The following ZFR2 variants were observed in gnomAD, a reference collection of about 807,000 sequenced individuals.
ZFR2 encodes the protein zinc finger RNA-binding protein 2.
A neutral mutation model predicts 105.7 loss-of-function variants in ZFR2; 104 were observed. The ratio of observed to expected loss-of-function variants is 0.98; its 90% CI spans 0.84 to 1.16. The LOEUF (loss-of-function observed/expected upper bound fraction) is 1.16, where lower values mean the gene tolerates loss of function less well. Ranked by LOEUF, ZFR2 falls within the 50% of genes most tolerant of loss-of-function variation. The pLI is 0.00. For synonymous variants in ZFR2, 634 were observed against 597.7 expected (o/e 1.06, Z -0.89); for missense variants, 1,425 against 1,355.5 (o/e 1.05, Z -0.80).
chr19:3,854,739 A>G (rs949993125), intron 1 of ZFR2, among the ~76,000 whole-genome samples: 1 of 152,188 alleles, frequency 6.6e-6, no homozygotes, highest in African/African-American at 2.4e-5. Context: ...GCAGAAAACA[A>G]GAGTTCTTCT....
chr19:3,836,399 A>G (rs1599240553), intron 1 of ZFR2, among the ~76,000 whole-genome samples: 1 of 152,134 alleles, frequency 6.6e-6, no homozygotes, highest in Non-Finnish European at 1.5e-5. Flanking sequence ...ATCACAGCCC[A>G]CTGCAGCCTC....
Position 3,831,696 on chromosome 19 carries a change from G to C in ZFR2, c.562C>G (p.Pro188Ala). Residue 188 changes from proline to alanine, a missense_variant, in exon 4 of 19, where the codon CCG becomes GCG. Pro to Ala is a conservative substitution (Grantham distance 27). Transcript: ENST00000262961. ...SSASIVTSYP[P>A]PSYNPTCTAY... is the part of the protein sequence containing the mutation. ...GTGCAGGTGGGGTTGTAGGAGGGCG[G>C]GGGGTAGGAGGTCACGATGGAAGCT... 6.3e-7 allele frequency: 1 copy of C among 1,578,512 alleles called. No homozygotes were observed. The highest frequency in any genetic ancestry group is 1.2e-5 in the South Asian group (1 of 85,622).
intron 1 of ZFR2, among the ~76,000 whole-genome samples, chr19:3,835,285 G>A (rs1475777296): frequency 1.3e-5 from 2 of 152,114 alleles, no homozygotes; most frequent in Non-Finnish European, 2.9e-5. Flanking sequence ...CTACTTGTGT[G>A]GCAGGGCTTT....
intron 5 of ZFR2, 99 bp downstream of exon 5, chr19:3,831,204 G>A: frequency 7.1e-7 from 1 of 1,416,828 alleles, no homozygotes; most frequent in South Asian, 1.5e-5. Context: ...TCTTTCAGCA[G>A]GCAGCGACCC....
At chr19:3,835,077 C>G in intron 1 of ZFR2, 94 bp from the exon 2 acceptor site, 1 of 1,402,544 alleles carries the variant, frequency 7.1e-7, no homozygotes, top group Non-Finnish European at 9.8e-7. Flanking sequence ...ACCACTGGAC[C>G]TGAGCTGCCC....
Position 3,816,694 on chromosome 19 carries a change from G to T in ZFR2, c.2083C>A (p.Gln695Lys). The T allele has an allele frequency of 6.2e-7, 1 of 1,609,706 alleles. No individual in the cohort carries two copies. The highest frequency in any genetic ancestry group is 8.5e-7 in the Non-Finnish European group (1 of 1,177,792). The change falls in exon 13 of 19, where the codon CAG becomes AAG. Residue 695 changes from glutamine to lysine, a missense_variant. Physicochemically the swap from Gln to Lys is moderately conservative, Grantham distance 53 (BLOSUM62 1). Coordinates refer to ENST00000262961, the MANE Select transcript of ZFR2 (RefSeq NM_015174.2). ...THSLLRRIAQ[Q>K]LPRQLQMVTE... ...CTTACCTGGAGCTGCCGGGGCAGCTGCTGGGCGATCCTCCGCAGCAGGCTG... is the reference window on the plus strand; with the variant it reads ...CTTACCTGGAGCTGCCGGGGCAGCTTCTGGGCGATCCTCCGCAGCAGGCTG...
chr19:3,868,752 C>T (rs1057475315), intron 1 of ZFR2, among the ~76,000 whole-genome samples: 5 of 152,092 alleles, frequency 3.3e-5, no homozygotes, highest in Admixed American at 3.3e-4. Context: ...GACGTCTCAG[C>T]CGGAGCCCCG....
chr19:3,823,474 G>C lies in ZFR2; in HGVS notation c.1214-71C>G. 1 of 1,482,626 alleles carries C rather than the reference G, an allele frequency of 6.7e-7. No homozygotes were observed. 91.8% of individuals were successfully genotyped at this position (1,482,626 alleles called of 1,614,324 possible). On this transcript the variant is annotated intron_variant, in intron 7 of 18. Coordinates refer to ENST00000262961, the MANE Select transcript of ZFR2 (RefSeq NM_015174.2). This position sits in a 1 kb window ranked among gnomAD's most constrained non-coding sequence, Gnocchi z 5.4. ...CACTGCAGCTGCAGACCCGCCAGGC[G>C]GCATGGGGTGGAGAGCCACCCAGAC... is the stretch of plus-strand genomic sequence containing the variant.
intron 1 of ZFR2, chr19:3,852,663 G>A (rs979725168): frequency 1.5e-6 from 1 of 684,818 alleles, no homozygotes; most frequent in Non-Finnish European, 2.7e-6. Context: ...TATAAGGGTG[G>A]ATGAAGGATG....
chr19:3,831,238 T>C, intron 5 of ZFR2, 65 bp downstream of exon 5: 1 of 1,434,048 alleles, frequency 7.0e-7, no homozygotes, highest in South Asian at 1.5e-5. Context: ...GGCGCCCACA[T>C]TCGGGTTCAG....
In ZFR2 at chr19:3,834,269, G is replaced by A. The variant is rs1260016310; in HGVS notation, c.265-491C>T. Among the ~76,000 whole-genome samples, 2 of 152,186 alleles carry A rather than the reference G, an allele frequency of 1.3e-5. No homozygotes were observed. The highest frequency in any genetic ancestry group is 3.9e-4 in the East Asian group (2 of 5,178). On this transcript the variant is annotated intron_variant, in intron 2 of 18. Transcript: ENST00000262961. The surrounding 1 kb of genome is among the most constrained non-coding windows in gnomAD (Gnocchi z 5.3). Reference sequence around the variant, plus strand: ...TCTTTGCGACACCAAGTGGGAACACGGTGGCTGGATCTGCAGCCTGAGTGC... The same window carrying A: ...TCTTTGCGACACCAAGTGGGAACACAGTGGCTGGATCTGCAGCCTGAGTGC...
At chr19:3,863,381 C>A (rs189945703) in intron 1 of ZFR2, among the ~76,000 whole-genome samples, 1 of 152,134 alleles carries the variant, frequency 6.6e-6, no homozygotes, top group Admixed American at 6.5e-5. Flanking sequence ...CCCAGTGACA[C>A]GGGGCCATGT....
intron 11 of ZFR2, among the ~76,000 whole-genome samples, chr19:3,819,747 G>A (rs1413110660): frequency 6.6e-6 from 1 of 152,084 alleles, no homozygotes; most frequent in African/African-American, 2.4e-5. Context: ...GGCTACTCAG[G>A]AGGCTGAGGC....
chr19:3,810,358 C>G (rs891055554), intron 16 of ZFR2, among the ~76,000 whole-genome samples: 1 of 152,202 alleles, frequency 6.6e-6, no homozygotes, highest in Non-Finnish European at 1.5e-5. Flanking sequence ...GGTGTTTGAG[C>G]CACAGGGGGT....
chr19:3,847,247 A>AG (rs2038193274), intron 1 of ZFR2, among the ~76,000 whole-genome samples: 1 of 152,090 alleles, frequency 6.6e-6, no homozygotes, highest in African/African-American at 2.4e-5. Flanking sequence ...AGCCGGGGGC[A>AG]GGGGGGTGGC....
chr19:3,820,214 T>G lies in ZFR2; in HGVS notation c.1708A>C (p.Arg570=). 2.6e-6 allele frequency: 4 copies of G among 1,552,392 alleles called. No individual in the cohort carries two copies. Among genetic ancestry groups the G allele is most frequent in the Non-Finnish European group, 3.5e-6 (4 of 1,147,892 alleles). Residue 570 remains arginine (R), a synonymous_variant, in exon 11 of 19, where the codon AGG becomes CGG. Coordinates refer to ENST00000262961, the MANE Select transcript of ZFR2 (RefSeq NM_015174.2). ...PDWAQPLLMG[R]PESPASAPLQ... is the part of the protein sequence containing the mutation. The stretch of plus-strand genomic sequence containing the variant: ...GGGGCGCTGGCGGGTGACTCCGGCC[T>G]GCCCATGAGCAGAGGCTGGGCCCAG...
Position 3,831,437 on chromosome 19 carries a change from C to T in ZFR2, c.718G>A (p.Ala240Thr). ...PQQLPPPPAPAGSGSSPRADS... is the reference protein window; with the variant it reads ...PQQLPPPPAPTGSGSSPRADS... ...GCCCTGGGGCTGCTTCCTGAGCCTGCAGGCGCGGGCGGCGGGGGCAGCTGC... is the reference window on the plus strand; with the variant it reads ...GCCCTGGGGCTGCTTCCTGAGCCTGTAGGCGCGGGCGGCGGGGGCAGCTGC... Residue 240 changes from alanine (A) to threonine (T), a missense_variant, in exon 5 of 19, where the codon GCA (alanine) becomes ACA (threonine). Ala to Thr is a moderately conservative substitution (Grantham distance 58). Coordinates refer to ENST00000262961, the MANE Select transcript of ZFR2 (RefSeq NM_015174.2). 1 of 1,551,726 alleles carries T rather than the reference C, an allele frequency of 6.4e-7. No individual in the cohort carries two copies. Among genetic ancestry groups the T allele is most frequent in the Non-Finnish European group, 8.7e-7 (1 of 1,148,980 alleles).
intron 1 of ZFR2, among the ~76,000 whole-genome samples, chr19:3,857,553 G>C (rs953020969): frequency 6.7e-6 from 1 of 150,054 alleles, no homozygotes; most frequent in Non-Finnish European, 1.5e-5. Context: ...AAAAAGCCGG[G>C]CATGGTGGTG....
intron 1 of ZFR2, among the ~76,000 whole-genome samples, chr19:3,841,445 G>A (rs1297530815): frequency 6.6e-6 from 1 of 152,196 alleles, no homozygotes; most frequent in African/African-American, 2.4e-5. Context: ...AGCGCCTTGG[G>A]AGGCTAAGGC....
Sources: gnomAD v4.1 joint callset for allele counts (sites outside exome capture counted in the v4.1 genomes callset) on GRCh38, gnomAD v4.1.1 for gene constraint, Gnocchi (gnomAD v3.1) non-coding constraint, MANE v1.5 for transcripts, NCBI Gene and HGNC (gene_info 2026-07-23, HGNC 2026-07-21) for gene names.